Variants in KIAA1328 observed in about 807,000 individuals in gnomAD.
The protein encoded by KIAA1328 is protein hinderin.
Under a neutral mutation model 68.1 loss-of-function variants are expected in KIAA1328, and 52 were observed. That is an observed-to-expected ratio of 0.76 (90% CI 0.61 to 0.96). The LOEUF is 0.96. KIAA1328 is among the 40% of genes least tolerant of loss of function. The pLI, the probability that KIAA1328 is intolerant of heterozygous loss-of-function variation, is 0.00. For missense variants in KIAA1328, 641 were observed against 677.6 expected (o/e 0.95, Z 0.60); for synonymous variants, 232 against 239.4 (o/e 0.97, Z 0.28).
chr18:37,139,262 C>T (rs1338578562), intron 7 of KIAA1328, among the ~76,000 whole-genome samples: 2 of 152,104 alleles, frequency 1.3e-5, no homozygotes, highest in African/African-American at 4.8e-5. Flanking sequence ...CGTGCCCGGC[C>T]AAAATGTTGT....
At chr18:36,980,383 C>T (rs574615463) in intron 6 of KIAA1328, among the ~76,000 whole-genome samples, 1 of 152,028 alleles carries the variant, frequency 6.6e-6, no homozygotes, top group Non-Finnish European at 1.5e-5. Context: ...TGGTCAGGGT[C>T]CATATGATGT....
intron 6 of KIAA1328, among the ~76,000 whole-genome samples, chr18:37,034,939 A>G (rs991500915): frequency 6.6e-6 from 1 of 152,202 alleles, no homozygotes; most frequent in African/African-American, 2.4e-5. Context: ...TAAGAATTAG[A>G]AAAGACTCCA....
intron 6 of KIAA1328, among the ~76,000 whole-genome samples, chr18:37,048,595 A>T (rs1315327356): frequency 1.1e-4 from 7 of 63,108 alleles, no homozygotes; most frequent in Admixed American, 6.3e-4. Context: ...CAATATAATA[A>T]TGGTGCTTTA....
At chr18:37,165,350 A>C (rs2059364798) in intron 8 of KIAA1328, among the ~76,000 whole-genome samples, 1 of 152,124 alleles carries the variant, frequency 6.6e-6, no homozygotes, top group African/African-American at 2.4e-5. Flanking sequence ...TTATAAGGAA[A>C]AGATAGTCTT....
chr18:37,202,006 T>C (rs1319732464), intron 9 of KIAA1328, among the ~76,000 whole-genome samples: 1 of 152,198 alleles, frequency 6.6e-6, no homozygotes, highest in Non-Finnish European at 1.5e-5. Context: ...GCATTTCCAA[T>C]TGTGACCTGT....
chr18:37,153,292 T>G (rs944942647), intron 7 of KIAA1328, among the ~76,000 whole-genome samples: 2 of 152,056 alleles, frequency 1.3e-5, no homozygotes, highest in Admixed American at 6.6e-5. Flanking sequence ...TTAAACTCAC[T>G]CCTTGTGTGT....
chr18:36,903,228 G>C (rs11081969), intron 5 of KIAA1328, among the ~76,000 whole-genome samples: 1 of 151,844 alleles, frequency 6.6e-6, no homozygotes, highest in Non-Finnish European at 1.5e-5. Flanking sequence ...AGTAGGTCTC[G>C]TTTGACATTA....
chr18:36,923,667 C>T (rs897345142), intron 5 of KIAA1328: 1 of 152,098 alleles, frequency 6.6e-6, no homozygotes, highest in African/African-American at 2.4e-5. Context: ...TCCCAAGATA[C>T]ACAGAAATAC....
Position 37,067,430 on chromosome 18 carries a change from C to T in KIAA1328, c.1117C>T (p.Gln373Ter). The T allele has an allele frequency of 6.2e-7, 1 of 1,601,298 alleles. No individual in the cohort carries two copies. The change falls in exon 7 of 10, where the codon CAG (glutamine) becomes TAG (stop). Residue 373 changes from glutamine (Q) to a stop codon, truncating the protein, a stop_gained. Transcript: ENST00000280020. LOFTEE classifies it high-confidence loss of function. The part of the protein sequence containing the change: ...SEDRKQQLML[Q>*]KMELEIEKER... Reference sequence around the variant, plus strand: ...AGATAGAAAGCAGCAACTGATGCTTCAGAAAATGGAACTGGAAATTGAAAA... The same window carrying T: ...AGATAGAAAGCAGCAACTGATGCTTTAGAAAATGGAACTGGAAATTGAAAA...
intron 7 of KIAA1328, among the ~76,000 whole-genome samples, chr18:37,111,474 T>C (rs2057928253): frequency 1.3e-5 from 2 of 152,204 alleles, no homozygotes; most frequent in South Asian, 4.1e-4. Flanking sequence ...TCATAGCCCA[T>C]AACTTGTCAA....
chr18:36,837,788 A>C (rs2046729273), intron 3 of KIAA1328, among the ~76,000 whole-genome samples: 2 of 152,024 alleles, frequency 1.3e-5, no homozygotes, highest in African/African-American at 4.8e-5. Flanking sequence ...GTTTAACTTT[A>C]TTCCTTTGCA....
intron 1 of KIAA1328, chr18:36,829,409 C>T: frequency 7.4e-7 from 1 of 1,346,002 alleles, no homozygotes; most frequent in Non-Finnish European, 9.5e-7. Flanking sequence ...TGTGGGGACA[C>T]GGCTCAGATG....
At chr18:36,902,407 C>T (rs1335612634) in intron 5 of KIAA1328, 1 of 151,970 alleles carries the variant, frequency 6.6e-6, no homozygotes, top group African/African-American at 2.4e-5. Flanking sequence ...ATTTCATTTG[C>T]CTTTTTAGTA....
At chr18:36,948,580 C>A (rs930267656) in intron 5 of KIAA1328, among the ~76,000 whole-genome samples, 17 of 137,926 alleles carry the variant, frequency 1.2e-4, no homozygotes, top group African/African-American at 4.6e-4. Context: ...GAGACAGTCT[C>A]ACTCTGTTGC....
chr18:36,916,678 C>T (rs902190279), intron 5 of KIAA1328, among the ~76,000 whole-genome samples: 1 of 152,194 alleles, frequency 6.6e-6, no homozygotes, highest in Non-Finnish European at 1.5e-5. Context: ...TTATCATCTC[C>T]ATCGTACAGA....
chr18:36,955,314 CT>C (rs60361116), intron 5 of KIAA1328, among the ~76,000 whole-genome samples: 61,028 of 128,964 alleles, frequency 0.47, 15,011 homozygotes, highest in East Asian at 0.71. Context: ...TTTTTCTTTT[CT>C]TTTTTTTTTT....
intron 7 of KIAA1328, among the ~76,000 whole-genome samples, chr18:37,159,413 T>G (rs774437200): frequency 1.3e-5 from 2 of 152,202 alleles, no homozygotes; most frequent in Non-Finnish European, 2.9e-5. Context: ...CATTTCCATG[T>G]CTTTTTCTTT....
intron 3 of KIAA1328, among the ~76,000 whole-genome samples, chr18:36,836,640 T>C (rs1480807569): frequency 6.6e-6 from 1 of 152,162 alleles, no homozygotes; most frequent in Middle Eastern, 3.2e-3. Context: ...ATAATTTGCA[T>C]ATAAAATTCA....
At chr18:36,883,858 G>A (rs1434773032) in intron 4 of KIAA1328, among the ~76,000 whole-genome samples, 1 of 151,046 alleles carries the variant, frequency 6.6e-6, no homozygotes, top group East Asian at 1.9e-4. Flanking sequence ...TATTGGTATG[G>A]CTTTTGCCTA....
Sources: allele counts gnomAD v4.1 joint callset (sites outside exome capture counted in the v4.1 genomes callset), GRCh38; gene constraint gnomAD v4.1.1; transcripts MANE v1.5; gene names NCBI Gene and HGNC (gene_info 2026-07-23, HGNC 2026-07-21).